Variants in PNP observed in about 807,000 individuals in gnomAD.
The protein encoded by PNP is purine nucleoside phosphorylase, also known as HEL-S-156an.
A neutral mutation model predicts 26.8 loss-of-function variants in PNP; 18 were observed. That is an observed-to-expected ratio of 0.67 (90% CI 0.46 to 1.00). The LOEUF (loss-of-function observed/expected upper bound fraction) is 1.00, where lower values mean the gene tolerates loss of function less well. Among genes scored for constraint, PNP ranks in the 50% least tolerant of loss-of-function variants. The probability of loss-of-function intolerance (pLI) is 0.00; values close to 1 mark genes in which losing one functional copy is unlikely to be tolerated. For synonymous variants in PNP, 116 were observed against 124.8 expected (o/e 0.93, Z 0.47); for missense variants, 320 against 362.9 (o/e 0.88, Z 0.96).
At chr14:20,470,454 G>T (rs912786168) in intron 1 of PNP, 83 of 152,488 alleles carry the variant, frequency 5.4e-4, no homozygotes, top group African/African-American at 1.9e-3. Flanking sequence ...CCTGAGGGTA[G>T]CCTGGTGTAT....
rs761925644 is a variant in PNP at position 20,472,305 on chromosome 14, C to G, written c.12-3C>G. On this transcript the variant is annotated splice_region_variant and splice_polypyrimidine_tract_variant and intron_variant, in intron 1 of 5. Transcript: ENST00000361505. ...ATTCACCTTGATATTTTTTCTCCCC[C>G]AGATACACCTATGAAGATTATAAGA... The G allele has an allele frequency of 3.7e-6, 6 of 1,612,786 alleles. No homozygotes were observed. The highest frequency in any genetic ancestry group is 2.2e-5 in the South Asian group (2 of 91,052).
intron 1 of PNP, among the ~76,000 whole-genome samples, chr14:20,470,079 A>T (rs1239232813): frequency 6.6e-6 from 1 of 152,100 alleles, no homozygotes; most frequent in Non-Finnish European, 1.5e-5. Flanking sequence ...AGTGACTGCT[A>T]AGTGGAGACG....
In PNP at chr14:20,476,679, T is replaced by C. The variant is rs569036203; in HGVS notation, c.*78T>C. On this transcript the variant is annotated 3_prime_UTR_variant, in exon 6 of 6. Coordinates refer to ENST00000361505, the MANE Select transcript of PNP (RefSeq NM_000270.4). Reference sequence around the variant, plus strand: ...CTTCTTTGGCCCCTTGCTGGAGTCATGTGCCTCTGTCCTTAGGTTGTAGCA... The same window carrying C: ...CTTCTTTGGCCCCTTGCTGGAGTCACGTGCCTCTGTCCTTAGGTTGTAGCA... 798 of 1,105,410 alleles carry C rather than the reference T, an allele frequency of 7.2e-4. No homozygotes were observed. The highest frequency in any genetic ancestry group is 1.0e-3 in the Non-Finnish European group (733 of 723,888). 68.5% of individuals were successfully genotyped at this position (1,105,410 alleles called of 1,614,324 possible). A position where few individuals can be genotyped will look rare whatever the true frequency, so the allele number is the denominator to read the frequency against.
In PNP at chr14:20,476,534, C is replaced by A; in HGVS notation, c.803C>A (p.Ala268Glu). Residue 268 changes from alanine to glutamate, a missense_variant, in exon 6 of 6, where the codon GCA becomes GAA. Ala to Glu is a moderately radical substitution (Grantham distance 107). Transcript: ENST00000361505. Reference protein sequence around the residue: ...EEVLAAGKQAAQKLEQFVSIL... With the variant: ...EEVLAAGKQAEQKLEQFVSIL... ...GTCTTAGCAGCTGGCAAACAAGCTG[C>A]ACAGAAATTGGAACAGTTTGTCTCC... The A allele has an allele frequency of 6.2e-7, 1 of 1,614,200 alleles. No individual in the cohort carries two copies. Among genetic ancestry groups the A allele is most frequent in the Non-Finnish European group, 8.5e-7 (1 of 1,180,044 alleles).
Position 20,472,516 on chromosome 14 carries a change from G to A in PNP, c.181+39G>A, listed in dbSNP as rs750415689. 2.5e-5 allele frequency: 40 copies of A among 1,589,746 alleles called. 1 individual carries two copies. The South Asian group carries it at 4.3e-4, about 17-fold the overall frequency. ...AAAGTGGGGAATGGGACTGAGGGAT[G>A]TTCTTGGAATTCTGTGGAACACAAC... is the stretch of plus-strand genomic sequence containing the variant. On this transcript the variant is annotated intron_variant, in intron 2 of 5. Coordinates refer to ENST00000361505, the MANE Select transcript of PNP (RefSeq NM_000270.4).
chr14:20,472,062 C>T (rs1881997987), intron 1 of PNP, among the ~76,000 whole-genome samples: 1 of 152,186 alleles, frequency 6.6e-6, no homozygotes, highest in Admixed American at 6.5e-5. Context: ...TTAGTAGAAA[C>T]AGGCTTTATT....
intron 2 of PNP, 122 bp downstream of exon 2, chr14:20,472,599 AAG>A (rs1882012091): frequency 3.1e-6 from 3 of 971,622 alleles, no homozygotes; most frequent in Middle Eastern, 2.0e-4. Flanking sequence ...CAAATGTTGT[AAG>A]AGAGGAGAAA....
At chr14:20,469,984 C>T (rs1881952712) in intron 1 of PNP, among the ~76,000 whole-genome samples, 2 of 152,178 alleles carry the variant, frequency 1.3e-5, no homozygotes, top group African/African-American at 4.8e-5. Context: ...CGGAGTTCCT[C>T]CTTTAGAGGC....
chr14:20,475,231 A>C lies in PNP; in HGVS notation c.631A>C (p.Lys211Gln). Residue 211 changes from lysine to glutamine, a missense_variant, in exon 5 of 6, where the codon AAG (lysine) becomes CAG (glutamine). Coordinates refer to ENST00000361505, the MANE Select transcript of PNP (RefSeq NM_000270.4). ...ETVAECRVLQ[K>Q]LGADAVGMST... The stretch of plus-strand genomic sequence containing the variant: ...TGTGGCAGAATGTCGTGTGCTGCAG[A>C]AGCTGGGAGCAGACGCTGTTGGTGA... 1 of 1,613,312 alleles carries C rather than the reference A, an allele frequency of 6.2e-7. No homozygotes were observed. The highest frequency in any genetic ancestry group is 8.5e-7 in the Non-Finnish European group (1 of 1,179,350).
chr14:20,472,996 T>C (rs1022580646), intron 2 of PNP: 2 of 167,704 alleles, frequency 1.2e-5, no homozygotes, highest in African/African-American at 4.8e-5. Context: ...AGGGAGATAG[T>C]AGTGACGCTG....
chr14:20,469,466 G>T lies in PNP; in HGVS notation c.-59G>T, dbSNP rs1000837774. The T allele has an allele frequency of 5.2e-6, 8 of 1,545,884 alleles. No individual in the cohort carries two copies. Among genetic ancestry groups the T allele is most frequent in the Non-Finnish European group, 7.0e-6 (8 of 1,143,602 alleles). On this transcript the variant is annotated 5_prime_UTR_variant, in exon 1 of 6. Coordinates refer to ENST00000361505, the MANE Select transcript of PNP (RefSeq NM_000270.4). ...TCAGCATAGCGGAGCGGATCCGATC[G>T]GATCGGAGCGGATCGGAGCACACCG...
At chr14:20,474,240 C>T (rs1882048721) in intron 2 of PNP, 1 of 491,834 alleles carries the variant, frequency 2.0e-6, no homozygotes. Flanking sequence ...TCATGCTGAA[C>T]ATGCTGAACG....
In PNP at chr14:20,472,647, C is replaced by T. The variant is rs918584162; in HGVS notation, c.181+170C>T. 11 of 708,916 alleles carry T rather than the reference C, an allele frequency of 1.6e-5. No individual in the cohort carries two copies. In the African/African-American group the frequency reaches 1.6e-4, roughly 10 times the overall value. 43.9% of individuals were successfully genotyped at this position (708,916 alleles called of 1,614,324 possible). ...GAGTCAGAGTGACTTTAGGAGATGC[C>T]TCTAGCAGACATCCCATAAGAGACA... is the stretch of plus-strand genomic sequence containing the variant. On this transcript the variant is annotated intron_variant, in intron 2 of 5. Transcript: ENST00000361505.
At position 20,474,589 on chromosome 14, in the gene PNP, A is replaced by G; in HGVS notation, c.285+14A>G. The G allele has an allele frequency of 6.2e-7, 1 of 1,605,814 alleles. No homozygotes were observed. Among genetic ancestry groups the G allele is most frequent in the Non-Finnish European group, 8.5e-7 (1 of 1,172,502 alleles). ...CCACTCTGGAAGGTAAGTCAGAGGG[A>G]TAGGTCCGGTTGGATCTGGAAGAGG... On this transcript the variant is annotated intron_variant, in intron 3 of 5. Coordinates refer to ENST00000361505, the MANE Select transcript of PNP (RefSeq NM_000270.4).
rs1199011314 is a variant in PNP at position 20,476,759 on chromosome 14, C to A, written c.*158C>A. The stretch of plus-strand genomic sequence containing the variant: ...TCCCACTTTCTTCTACCAGACCCTT[C>A]TGGTGCCAGATCCTCTTCTCAAAGC... On this transcript the variant is annotated 3_prime_UTR_variant, in exon 6 of 6. Transcript: ENST00000361505. 5 of 697,450 alleles carry A rather than the reference C, an allele frequency of 7.2e-6. No individual in the cohort carries two copies. The highest frequency in any genetic ancestry group is 1.3e-5 in the Non-Finnish European group (5 of 385,936). The allele number at this position is 697,450 out of a possible 1,614,324, so 43.2% of individuals were successfully genotyped here.
intron 2 of PNP, chr14:20,472,689 G>A (rs1164596970): frequency 1.6e-6 from 1 of 641,038 alleles, no homozygotes; most frequent in East Asian, 2.8e-5. Context: ...GTGTGTGTCA[G>A]TGGACTGAGG....
Position 20,472,385 on chromosome 14 carries a change from T to G in PNP, c.89T>G (p.Ile30Ser). 1 of 1,613,920 alleles carries G rather than the reference T, an allele frequency of 6.2e-7. No homozygotes were observed. The highest frequency in any genetic ancestry group is 8.5e-7 in the Non-Finnish European group (1 of 1,179,754). ...AAGCACCGACCTCAAGTTGCAATAA[T>G]CTGTGGTTCTGGATTAGGAGGTCTG... Reference protein sequence around the residue: ...HTKHRPQVAIICGSGLGGLTD... With the variant: ...HTKHRPQVAISCGSGLGGLTD... The change falls in exon 2 of 6, where the codon ATC becomes AGC. Residue 30 changes from isoleucine to serine, a missense_variant. Transcript: ENST00000361505.
chr14:20,472,821 C>A, intron 2 of PNP: 2 of 265,720 alleles, frequency 7.5e-6, no homozygotes, highest in Non-Finnish European at 1.5e-5. Flanking sequence ...TTTAAGATTT[C>A]TATCTTCTTT....
chr14:20,469,857 T>A, intron 1 of PNP: 2 of 564,562 alleles, frequency 3.5e-6, no homozygotes, highest in Middle Eastern at 2.7e-4. Flanking sequence ...GGAGAGTGAG[T>A]ATATGTATAT....
Sources: allele counts gnomAD v4.1 joint callset (sites outside exome capture counted in the v4.1 genomes callset), GRCh38; gene constraint gnomAD v4.1.1; transcripts MANE v1.5; gene names NCBI Gene and HGNC (gene_info 2026-07-23, HGNC 2026-07-21).